Variants in TRIP11 observed in about 807,000 individuals in gnomAD.
TRIP11 encodes the protein thyroid hormone receptor interactor 11.
TRIP11 carries 148 observed loss-of-function variants against 223.1 expected under a neutral mutation model. The ratio of observed to expected loss-of-function variants is 0.66; its 90% CI spans 0.58 to 0.76. The LOEUF is 0.76. Ranked by LOEUF, TRIP11 falls within the 30% of genes least tolerant of loss-of-function variation. The probability of loss-of-function intolerance (pLI) is 0.00; values close to 1 mark genes in which losing one functional copy is unlikely to be tolerated. For missense variants in TRIP11, 2,043 were observed against 2,222.0 expected (o/e 0.92, Z 1.62); for synonymous variants, 762 against 772.6 (o/e 0.99, Z 0.23).
In TRIP11 at chr14:91,969,376, T is replaced by G; in HGVS notation, c.*297A>C. 1 of 411,096 alleles carries G rather than the reference T, an allele frequency of 2.4e-6. No homozygotes were observed. Among genetic ancestry groups the G allele is most frequent in the South Asian group, 3.1e-5 (1 of 31,818 alleles). The allele number at this position is 411,096 out of a possible 1,614,324, so 25.5% of individuals were successfully genotyped here. A position where few individuals can be genotyped will look rare whatever the true frequency, so the allele number is the denominator to read the frequency against. On this transcript the variant is annotated 3_prime_UTR_variant, in exon 21 of 21. Coordinates refer to ENST00000267622, the MANE Select transcript of TRIP11 (RefSeq NM_004239.4). ...CAAAAGGAAATAAAAAGCTGCCATA[T>G]AGCTACTAGTATTTTTGTCTGTCTG...
Position 91,967,567 on chromosome 14 carries a change from G to A in TRIP11, c.*2106C>T, listed in dbSNP as rs1309284804. ...AAACTTACGTTAAACCATGGGATGA[G>A]AGGCGGACAAGTTGTTTTGGTCAGA... On this transcript the variant is annotated 3_prime_UTR_variant, in exon 21 of 21. Transcript: ENST00000267622. 2.5e-5 allele frequency: 5 copies of A among 201,914 alleles called. No individual in the cohort carries two copies. The highest frequency in any genetic ancestry group is 1.1e-4 in the African/African-American group (5 of 43,576). 12.5% of individuals were successfully genotyped at this position (201,914 alleles called of 1,614,324 possible). A position where few individuals can be genotyped will look rare whatever the true frequency, so the allele number is the denominator to read the frequency against.
intron 20 of TRIP11, among the ~76,000 whole-genome samples, chr14:91,971,311 T>C (rs751074374): frequency 6.6e-6 from 1 of 152,244 alleles, no homozygotes; most frequent in Non-Finnish European, 1.5e-5. Context: ...AGCCGTACTT[T>C]CCTATGAATG....
chr14:92,001,375 A>AG (rs2056824047), intron 11 of TRIP11, among the ~76,000 whole-genome samples: 1 of 126,194 alleles, frequency 7.9e-6, no homozygotes, highest in Non-Finnish European at 1.6e-5. Flanking sequence ...ATAGTTTTTC[A>AG]GTTTTTTTTT....
At chr14:91,979,526 C>T (rs772232392) in intron 16 of TRIP11, among the ~76,000 whole-genome samples, 2 of 151,974 alleles carry the variant, frequency 1.3e-5, no homozygotes, top group East Asian at 1.9e-4. Context: ...ATCCTTAAGG[C>T]GAAAATGACA....
intron 16 of TRIP11, among the ~76,000 whole-genome samples, chr14:91,980,112 C>T (rs1339413899): frequency 6.6e-6 from 1 of 152,134 alleles, no homozygotes; most frequent in Non-Finnish European, 1.5e-5. Context: ...AGTCTCTTCT[C>T]TGGAACACCT....
At chr14:91,975,151 T>C (rs559462675) in intron 18 of TRIP11, 21 bp downstream of exon 18, 1 of 1,592,382 alleles carries the variant, frequency 6.3e-7, no homozygotes, top group Non-Finnish European at 8.6e-7. Context: ...TGTGTTCAGA[T>C]GGCTTTCATC....
At chr14:91,993,937 T>C in intron 14 of TRIP11, 25 bp from the exon 15 acceptor site, 2 of 1,561,898 alleles carry the variant, frequency 1.3e-6, no homozygotes, top group Non-Finnish European at 1.8e-6. Context: ...AAGTTAACAT[T>C]AGTATTTTGC....
Position 92,004,910 on chromosome 14 carries a change from C to T in TRIP11, c.3066G>A (p.Val1022=). 6.2e-7 allele frequency: 1 copy of T among 1,613,876 alleles called. No individual in the cohort carries two copies. The highest frequency in any genetic ancestry group is 8.5e-7 in the Non-Finnish European group (1 of 1,179,990). ...CCAGTTCTCGCTCTTTTATTCCTTT[C>T]ACTAATCTTTCCGTTTCAGCTTTAG... ...DLSKAETERL[V]KGIKERELEI... Residue 1022 remains valine (V), a synonymous_variant, in exon 11 of 21, where the codon GTG becomes GTA. Coordinates refer to ENST00000267622, the MANE Select transcript of TRIP11 (RefSeq NM_004239.4).
chr14:92,008,156 A>G (rs527496247), intron 9 of TRIP11, among the ~76,000 whole-genome samples: 5 of 152,214 alleles, frequency 3.3e-5, no homozygotes, highest in African/African-American at 9.6e-5. Flanking sequence ...AGCCTCTCCT[A>G]TCCTGCTCCA....
At position 92,000,184 on chromosome 14, in the gene TRIP11, AATT is replaced by A. The variant is rs1244682049; in HGVS notation, c.4558-79_4558-77del. 4 of 1,592,724 alleles carry A rather than the reference AATT, an allele frequency of 2.5e-6. No individual in the cohort carries two copies. The African/African-American group carries it at 4.1e-5, about 16-fold the overall frequency. ...TTTAAAAGAGACATTTTCTTCACTC[AATT>A]ATTAATTCATTTAATTTTTAAATAG... On this transcript the variant is annotated intron_variant, in intron 11 of 20. Coordinates refer to ENST00000267622, the MANE Select transcript of TRIP11 (RefSeq NM_004239.4).
intron 16 of TRIP11, among the ~76,000 whole-genome samples, chr14:91,982,153 C>T (rs1432020349): frequency 2.0e-5 from 3 of 152,118 alleles, no homozygotes; most frequent in Non-Finnish European, 4.4e-5. Flanking sequence ...ACTATGTACA[C>T]TTGATTTTAT....
chr14:91,994,840 A>G (rs766014212), intron 14 of TRIP11, among the ~76,000 whole-genome samples: 3 of 152,210 alleles, frequency 2.0e-5, no homozygotes, highest in Non-Finnish European at 2.9e-5. Flanking sequence ...TGTGTCTCCA[A>G]AAAAGCACCT....
At chr14:91,975,509 T>A (rs958548600) in intron 17 of TRIP11, among the ~76,000 whole-genome samples, 44 of 152,216 alleles carry the variant, frequency 2.9e-4, no homozygotes, top group African/African-American at 1.0e-3. Context: ...GTGTATCTTT[T>A]AAAATCTCAC....
chr14:91,988,104 A>G (rs1326710453), intron 16 of TRIP11, among the ~76,000 whole-genome samples, 180 bp downstream of exon 16: 1 of 152,190 alleles, frequency 6.6e-6, no homozygotes, highest in Non-Finnish European at 1.5e-5. Context: ...GGCCAACTTA[A>G]TGACTCTGGT....
intron 3 of TRIP11, among the ~76,000 whole-genome samples, chr14:92,022,741 A>T (rs1012927678): frequency 6.6e-6 from 1 of 152,248 alleles, no homozygotes; most frequent in Non-Finnish European, 1.5e-5. Context: ...AAGACAGCCA[A>T]CAAGTAACAG....
chr14:91,974,214 G>A (rs2056435318), intron 19 of TRIP11, among the ~76,000 whole-genome samples: 1 of 152,146 alleles, frequency 6.6e-6, no homozygotes, highest in African/African-American at 2.4e-5. Context: ...TATCCAGTTT[G>A]CAGCTGCATC....
In TRIP11 at chr14:91,984,097, T is replaced by A. The variant is rs1418243212; in HGVS notation, c.5260+4187A>T. 2.0e-5 allele frequency among the ~76,000 whole-genome samples: 3 copies of A among 151,760 alleles called. No homozygotes were observed. In the East Asian group the frequency reaches 5.8e-4, roughly 29 times the overall value. ...ACTTTTAAAAGTAGTCATTCAACCT[T>A]CTTAAAAAAAAAATCAGTTATGCTG... On this transcript the variant is annotated intron_variant, in intron 16 of 20. Transcript: ENST00000267622.
intron 4 of TRIP11, among the ~76,000 whole-genome samples, chr14:92,018,366 G>C (rs1384485421): frequency 6.6e-6 from 1 of 151,958 alleles, no homozygotes; most frequent in Non-Finnish European, 1.5e-5. Flanking sequence ...GCTGGGATTA[G>C]ACATGAACCA....
chr14:92,001,634 TTAA>T (rs1418127448), intron 11 of TRIP11, among the ~76,000 whole-genome samples: 1 of 152,156 alleles, frequency 6.6e-6, no homozygotes, highest in Non-Finnish European at 1.5e-5. Flanking sequence ...GAGGAGAGTG[TTAA>T]TAATATCTGC....
Sources: allele counts gnomAD v4.1 joint callset (sites outside exome capture counted in the v4.1 genomes callset), GRCh38; gene constraint gnomAD v4.1.1; transcripts MANE v1.5; gene names NCBI Gene and HGNC (gene_info 2026-07-23, HGNC 2026-07-21).